COLEC12: variants seen among roughly 807,000 people sequenced by gnomAD.
COLEC12 encodes collectin-12.
Under a neutral mutation model 71.1 loss-of-function variants are expected in COLEC12, and 33 were observed. The ratio of observed to expected loss-of-function variants is 0.46; its 90% CI spans 0.35 to 0.62. COLEC12 has a LOEUF of 0.62. COLEC12 is among the 20% of genes least tolerant of loss of function. The probability of loss-of-function intolerance (pLI) is 0.00; values close to 1 mark genes in which losing one functional copy is unlikely to be tolerated. For missense variants in COLEC12, 765 were observed against 916.1 expected, an observed-to-expected ratio of 0.84 and a Z score of 2.13; for synonymous variants, 350 against 353.0, an observed-to-expected ratio of 0.99 and a Z score of 0.10.
chr18:361,920 AAG>A (rs1189220072), intron 2 of COLEC12, among the ~76,000 whole-genome samples: 1 of 152,156 alleles, frequency 6.6e-6, no homozygotes, highest in Non-Finnish European at 1.5e-5. Context: ...ACATTCCACT[AAG>A]AGAGCCTCAG....
chr18:482,543 A>G (rs1917442848), intron 1 of COLEC12, among the ~76,000 whole-genome samples: 1 of 152,200 alleles, frequency 6.6e-6, no homozygotes, highest in Admixed American at 6.5e-5. Flanking sequence ...GCATGTTGTT[A>G]GCACTCACCA....
chr18:413,690 AT>A (rs1915935590), intron 2 of COLEC12, among the ~76,000 whole-genome samples: 1 of 152,230 alleles, frequency 6.6e-6, no homozygotes, highest in Non-Finnish European at 1.5e-5. Flanking sequence ...CTGTACGTGA[AT>A]GTTTACAGCA....
chr18:496,405 A>G (rs1917713293), intron 1 of COLEC12, among the ~76,000 whole-genome samples: 1 of 152,244 alleles, frequency 6.6e-6, no homozygotes, highest in African/African-American at 2.4e-5. Flanking sequence ...AGTCAAAAGT[A>G]TAATTAGATT....
rs116284456 is a variant in COLEC12, at chr18:481,000, G to A, written c.8-243C>T. Among the ~76,000 whole-genome samples the A allele has an allele frequency of 2.8e-3, 428 of 152,114 alleles. 4 individuals carry two copies. The highest frequency in any genetic ancestry group is 9.3e-3 in the African/African-American group (387 of 41,504). On this transcript the variant is annotated intron_variant, in intron 1 of 9. Transcript: ENST00000400256. This position sits in a 1 kb window ranked among gnomAD's most constrained non-coding sequence, Gnocchi z 4.1. The stretch of plus-strand genomic sequence containing the variant: ...CGAATTCAGGTCTTAGCTAAAGTGC[G>A]ACCCTTCGAGATGCCTTTCTGGACC...
At chr18:386,926 A>T (rs1288206337) in intron 2 of COLEC12, among the ~76,000 whole-genome samples, 1 of 151,792 alleles carries the variant, frequency 6.6e-6, no homozygotes, top group Non-Finnish European at 1.5e-5. Flanking sequence ...CTGACTTGGG[A>T]TTGAGGGGTT....
chr18:349,601 A>C (rs1157139922), intron 3 of COLEC12, among the ~76,000 whole-genome samples: 2 of 152,174 alleles, frequency 1.3e-5, no homozygotes, highest in Non-Finnish European at 2.9e-5. Flanking sequence ...AGATCCACTG[A>C]CAGTTTGCAC....
chr18:427,516 C>G (rs1325894476), intron 2 of COLEC12, among the ~76,000 whole-genome samples: 1 of 152,180 alleles, frequency 6.6e-6, no homozygotes, highest in Non-Finnish European at 1.5e-5. Flanking sequence ...TCAGGCCTAG[C>G]TCTTTAGAGC....
chr18:367,802 G>C (rs1914888354), intron 2 of COLEC12, among the ~76,000 whole-genome samples: 1 of 152,136 alleles, frequency 6.6e-6, no homozygotes, highest in African/African-American at 2.4e-5. Context: ...ATTAAAACTG[G>C]ACAAAGGCCT....
At chr18:382,083 C>T (rs1915245248) in intron 2 of COLEC12, among the ~76,000 whole-genome samples, 1 of 152,134 alleles carries the variant, frequency 6.6e-6, no homozygotes, top group Admixed American at 6.5e-5. Flanking sequence ...TGCAACACAC[C>T]CATGGCGGAG....
At chr18:468,937 G>A (rs1429726740) in intron 2 of COLEC12, among the ~76,000 whole-genome samples, 3 of 152,252 alleles carry the variant, frequency 2.0e-5, no homozygotes, top group Non-Finnish European at 2.9e-5. Context: ...TATGAATTGT[G>A]CTTTAAGTGA....
intron 2 of COLEC12, among the ~76,000 whole-genome samples, chr18:358,057 T>C (rs674490): frequency 0.31 from 47,283 of 152,140 alleles, 7,697 homozygotes; most frequent in African/African-American, 0.35. Context: ...ATGCTCCTTA[T>C]GAGAATCTGA....
At chr18:457,463 A>G (rs1478453593) in intron 2 of COLEC12, among the ~76,000 whole-genome samples, 3 of 152,186 alleles carry the variant, frequency 2.0e-5, no homozygotes, top group African/African-American at 7.2e-5. Context: ...CACATGCTGG[A>G]GCTGATGAAG....
intron 2 of COLEC12, among the ~76,000 whole-genome samples, chr18:445,649 T>TTTTTA (rs1916632375): frequency 6.6e-6 from 1 of 151,250 alleles, no homozygotes; most frequent in Non-Finnish European, 1.5e-5. Context: ...TTTTTTTTTT[T>TTTTTA]GAGACAAGGT....
chr18:443,441 G>C (rs1035809917), intron 2 of COLEC12, among the ~76,000 whole-genome samples: 1 of 152,140 alleles, frequency 6.6e-6, no homozygotes, highest in Non-Finnish European at 1.5e-5. Context: ...TTAACTTTTT[G>C]TTTAAGTATC....
chr18:345,178 T>C (rs546088412), intron 5 of COLEC12, among the ~76,000 whole-genome samples: 2 of 152,238 alleles, frequency 1.3e-5, no homozygotes, highest in South Asian at 4.1e-4. Context: ...GTTTCATTTG[T>C]ATACCCCAGA....
intron 2 of COLEC12, among the ~76,000 whole-genome samples, chr18:439,402 G>C (rs1411970361): frequency 6.6e-6 from 1 of 151,274 alleles, no homozygotes; most frequent in South Asian, 2.1e-4. Flanking sequence ...CAGCAAGAGA[G>C]AGAAACCTGG....
At chr18:421,333 C>T (rs1916094594) in intron 2 of COLEC12, among the ~76,000 whole-genome samples, 2 of 152,146 alleles carry the variant, frequency 1.3e-5, no homozygotes, top group South Asian at 4.1e-4. Context: ...TCCCTACGAT[C>T]AGTAGAAGTC....
At chr18:343,127 T>C (rs1914294201) in intron 5 of COLEC12, among the ~76,000 whole-genome samples, 1 of 152,158 alleles carries the variant, frequency 6.6e-6, no homozygotes, top group Non-Finnish European at 1.5e-5. Flanking sequence ...TACCATGTGT[T>C]CAATTTCTGT....
chr18:442,278 T>G (rs575306361), intron 2 of COLEC12, among the ~76,000 whole-genome samples: 50 of 152,298 alleles, frequency 3.3e-4, no homozygotes, highest in African/African-American at 1.1e-3. Context: ...AAATTCAAGT[T>G]TGATTGTCAT....
Sources: gnomAD v4.1 joint callset for allele counts (sites outside exome capture counted in the v4.1 genomes callset) on GRCh38, gnomAD v4.1.1 for gene constraint, Gnocchi (gnomAD v3.1) non-coding constraint, MANE v1.5 for transcripts, NCBI Gene and HGNC (gene_info 2026-07-23, HGNC 2026-07-21) for gene names.